The following BLOC1S3 variants were observed in gnomAD, a reference collection of about 807,000 sequenced individuals.
The protein encoded by BLOC1S3 is biogenesis of lysosome-related organelles complex 1 subunit 3.
In BLOC1S3, 7 loss-of-function variants were observed where a neutral mutation model predicts 9.1. The ratio of observed to expected loss-of-function variants is 0.77; its 90% confidence interval spans 0.44 to 1.45. The LOEUF (loss-of-function observed/expected upper bound fraction) is 1.45, where lower values mean the gene tolerates loss of function less well. Among genes scored for constraint, BLOC1S3 ranks in the 40% most tolerant of loss-of-function variants. The pLI, the probability that BLOC1S3 is intolerant of heterozygous loss-of-function variation, is 0.01. For synonymous variants in BLOC1S3, 145 were observed against 158.4 expected (o/e 0.92, Z 0.64); for missense variants, 307 against 315.2 (o/e 0.97, Z 0.20).
chr19:45,187,596 T>G (rs1969574659), intron 1 of BLOC1S3: 1 of 152,284 alleles, frequency 6.6e-6, no homozygotes, highest in African/African-American at 2.4e-5. Flanking sequence ...GTGAACAATG[T>G]GGCATGCTGT....
At chr19:45,196,452 C>G (rs952855197) in intron 2 of BLOC1S3, among the ~76,000 whole-genome samples, 33 of 152,104 alleles carry the variant, frequency 2.2e-4, no homozygotes, top group African/African-American at 7.7e-4. Context: ...TAGGTCTGAC[C>G]CCTCTGGGTG....
intron 3 of BLOC1S3, chr19:45,216,062 G>A (rs1361570319): frequency 2.5e-6 from 4 of 1,613,252 alleles, no homozygotes; most frequent in Admixed American, 1.7e-5. Flanking sequence ...GGCCCAGGCG[G>A]GGTGTCTCAC....
At chr19:45,204,860 T>C (rs1969715696) in intron 3 of BLOC1S3, among the ~76,000 whole-genome samples, 1 of 151,306 alleles carries the variant, frequency 6.6e-6, no homozygotes, top group Non-Finnish European at 1.5e-5. Context: ...GCCTCCTGAG[T>C]AGCTGGGATT....
At chr19:45,203,174 A>T (rs1969703763) in intron 3 of BLOC1S3, among the ~76,000 whole-genome samples, 1 of 152,066 alleles carries the variant, frequency 6.6e-6, no homozygotes, top group African/African-American at 2.4e-5. Context: ...AGTGGGCCTC[A>T]TGCCCTCCAG....
intron 3 of BLOC1S3, chr19:45,213,105 C>T (rs1341114303): frequency 4.6e-6 from 7 of 1,535,806 alleles, no homozygotes; most frequent in Non-Finnish European, 5.2e-6. Context: ...GAGACGGAGG[C>T]CGGGGCCGAG....
intron 3 of BLOC1S3, chr19:45,213,041 G>T (rs1401166607): frequency 6.8e-7 from 1 of 1,460,328 alleles, no homozygotes; most frequent in Non-Finnish European, 9.0e-7. Flanking sequence ...CATAGATGGG[G>T]TCACTAAGGC....
intron 3 of BLOC1S3, among the ~76,000 whole-genome samples, chr19:45,206,257 T>A (rs1969724451): frequency 1.3e-5 from 2 of 148,432 alleles, no homozygotes; most frequent in African/African-American, 5.0e-5. Context: ...TTTGGGAGGC[T>A]GAGGCAGGAG....
intron 3 of BLOC1S3, among the ~76,000 whole-genome samples, chr19:45,208,913 T>C (rs554001627): frequency 7.2e-5 from 11 of 151,992 alleles, no homozygotes; most frequent in African/African-American, 1.9e-4. Context: ...AGAAAGACAT[T>C]GATAGATTTT....
In BLOC1S3 at chr19:45,214,461, T is replaced by C. The variant is rs182773180; in HGVS notation, n.283-2215T>C. On this transcript the variant is annotated intron_variant and non_coding_transcript_variant, in intron 3 of 3. Coordinates refer to the BLOC1S3 transcript ENST00000591569. ...TGGTACACTAGTTTTTTTGTGTGTT[T>C]GTTTGTTTGTTTGTTTGTTTTGAGA... 4.8e-3 allele frequency among the ~76,000 whole-genome samples: 716 copies of C among 150,604 alleles called. 2 individuals are homozygous for C. Among genetic ancestry groups the C allele is most frequent in the Non-Finnish European group, 8.2e-3 (556 of 67,862 alleles).
At chr19:45,200,675 G>A (rs1439254232) in intron 2 of BLOC1S3, among the ~76,000 whole-genome samples, 1 of 152,144 alleles carries the variant, frequency 6.6e-6, no homozygotes, top group Non-Finnish European at 1.5e-5. Flanking sequence ...TAGTTCACTT[G>A]GTGAGGTCAT....
At chr19:45,195,824 A>C (rs1969644151) in intron 2 of BLOC1S3, among the ~76,000 whole-genome samples, 1 of 151,490 alleles carries the variant, frequency 6.6e-6, no homozygotes, top group African/African-American at 2.4e-5. Context: ...CGACCTCCCA[A>C]CTTCAGGTGA....
At chr19:45,184,925 AAAAAAAGG>A (rs1969555593), downstream of BLOC1S3, among the ~76,000 whole-genome samples, 1 of 149,520 alleles carries the variant, frequency 6.7e-6, no homozygotes, top group Non-Finnish European at 1.5e-5. Flanking sequence ...AAAAAAAAAA[AAAAAAAGG>A]AAGGAAGGGA....
intron 3 of BLOC1S3, among the ~76,000 whole-genome samples, chr19:45,203,203 C>T (rs1406485613): frequency 6.6e-6 from 1 of 152,082 alleles, no homozygotes; most frequent in Non-Finnish European, 1.5e-5. Flanking sequence ...GTTCTGAGCC[C>T]AGCAAGGCAC....
At chr19:45,207,367 A>G (rs1477618499) in intron 3 of BLOC1S3, among the ~76,000 whole-genome samples, 1 of 150,978 alleles carries the variant, frequency 6.6e-6, no homozygotes, top group Non-Finnish European at 1.5e-5. Flanking sequence ...TCCTGACCTA[A>G]GGTGATCCAC....
Position 45,179,276 on chromosome 19 carries a change from C to A in BLOC1S3, c.-9-12C>A. The A allele has an allele frequency of 6.4e-7, 1 of 1,561,760 alleles. No homozygotes were observed. On this transcript the variant is annotated splice_polypyrimidine_tract_variant and intron_variant, in intron 1 of 1. Transcript: ENST00000433642. The surrounding 1 kb of genome is among the most constrained non-coding windows in gnomAD (Gnocchi z 4.6). The stretch of plus-strand genomic sequence containing the variant: ...CGGTCTCACGTGCAGTCCCTTCGCT[C>A]TTCTCCCCTAGTTCGGTGCCATGGC...
chr19:45,183,623 CTTT>C (rs57651816), downstream of BLOC1S3, among the ~76,000 whole-genome samples: 3 of 105,106 alleles, frequency 2.9e-5, no homozygotes, highest in African/African-American at 1.2e-4. Flanking sequence ...CTTTTCTTTT[CTTT>C]TTTTTTTTTT....
At chr19:45,208,058 T>C (rs952198695) in intron 3 of BLOC1S3, among the ~76,000 whole-genome samples, 2 of 150,950 alleles carry the variant, frequency 1.3e-5, no homozygotes, top group African/African-American at 2.4e-5. Flanking sequence ...CATCGCAACC[T>C]CTACCTCCTG....
chr19:45,184,578 C>T (rs1969551443), downstream of BLOC1S3, among the ~76,000 whole-genome samples: 1 of 152,032 alleles, frequency 6.6e-6, no homozygotes, highest in South Asian at 2.1e-4. Context: ...TGCACTCGAG[C>T]CTGGGCAACA....
chr19:45,192,185 T>TC (rs1325750240), intron 2 of BLOC1S3, among the ~76,000 whole-genome samples: 3 of 152,224 alleles, frequency 2.0e-5, no homozygotes, highest in Admixed American at 6.5e-5. Context: ...GGGGAGCCTC[T>TC]CCCTGTGGCC....
Sources: gnomAD v4.1 joint callset for allele counts (sites outside exome capture counted in the v4.1 genomes callset) on GRCh38, gnomAD v4.1.1 for gene constraint, Gnocchi (gnomAD v3.1) non-coding constraint, MANE v1.5 for transcripts, NCBI Gene and HGNC (gene_info 2026-07-23, HGNC 2026-07-21) for gene names.